Variants in PARD3B observed in about 807,000 individuals in gnomAD.
PARD3B encodes the protein partitioning defective 3 homolog B.
In PARD3B, 103 loss-of-function variants were observed where a neutral mutation model predicts 130.2. The ratio of observed to expected loss-of-function variants is 0.79; its 90% confidence interval spans 0.67 to 0.93. The LOEUF (loss-of-function observed/expected upper bound fraction) is 0.93, where lower values mean the gene tolerates loss of function less well. Ranked by LOEUF, PARD3B falls within the 40% of genes least tolerant of loss-of-function variation. PARD3B has a pLI of 0.00. For synonymous variants in PARD3B, 583 were observed against 553.2 expected, an observed-to-expected ratio of 1.05 and a Z score of -0.76; for missense variants, 1,609 against 1,499.2, an observed-to-expected ratio of 1.07 and a Z score of -1.21.
intron 21 of PARD3B, among the ~76,000 whole-genome samples, chr2:205,551,995 G>C (rs1352179632): frequency 6.6e-6 from 1 of 152,212 alleles, no homozygotes; most frequent in East Asian, 1.9e-4. Context: ...AGGTGAACAG[G>C]TGGGGAATCA....
At chr2:204,801,238 C>T (rs763276812) in intron 2 of PARD3B, among the ~76,000 whole-genome samples, 9 of 152,086 alleles carry the variant, frequency 5.9e-5, no homozygotes, top group Non-Finnish European at 1.2e-4. Flanking sequence ...TTAGTTTTTC[C>T]TATTCTGTGA....
intron 12 of PARD3B, among the ~76,000 whole-genome samples, chr2:205,175,305 CT>C (rs1183494712): frequency 6.6e-6 from 1 of 152,144 alleles, no homozygotes; most frequent in Non-Finnish European, 1.5e-5. Context: ...TAATTTAGGA[CT>C]AGCTTACCTC....
chr2:204,977,200 G>C (rs1298338931), intron 3 of PARD3B, among the ~76,000 whole-genome samples: 1 of 151,680 alleles, frequency 6.6e-6, no homozygotes, highest in Non-Finnish European at 1.5e-5. Flanking sequence ...ATTCATAGAA[G>C]GGTAATTGCT....
At chr2:204,654,424 TC>T (rs199995929) in intron 1 of PARD3B, among the ~76,000 whole-genome samples, 4,106 of 148,858 alleles carry the variant, frequency 0.028, 443 homozygotes, top group African/African-American at 0.1. Flanking sequence ...TTCTTGAGTA[TC>T]ATCACAGATA....
chr2:205,501,874 TA>T (rs988478305), intron 21 of PARD3B, among the ~76,000 whole-genome samples: 1 of 152,176 alleles, frequency 6.6e-6, no homozygotes, highest in Non-Finnish European at 1.5e-5. Context: ...AGTAAACGTG[TA>T]ACCAGACCAT....
At chr2:204,797,629 A>G (rs115578624) in intron 2 of PARD3B, among the ~76,000 whole-genome samples, 1,962 of 152,360 alleles carry the variant, frequency 0.013, 34 homozygotes, top group African/African-American at 0.045. Context: ...ATAAACAGAT[A>G]CCACTATTTT....
intron 1 of PARD3B, among the ~76,000 whole-genome samples, chr2:204,680,101 C>G (rs916014936): frequency 1.3e-5 from 2 of 151,840 alleles, no homozygotes; most frequent in African/African-American, 4.8e-5. Flanking sequence ...GAATTTTTCT[C>G]TTTTTCTAGT....
chr2:205,360,584 G>A (rs1057335986), intron 18 of PARD3B, among the ~76,000 whole-genome samples: 2 of 152,188 alleles, frequency 1.3e-5, no homozygotes, highest in East Asian at 3.9e-4. Flanking sequence ...TTAATACAGT[G>A]AGGAAATTTT....
At chr2:204,886,818 A>G (rs1196301136) in intron 2 of PARD3B, among the ~76,000 whole-genome samples, 1 of 152,226 alleles carries the variant, frequency 6.6e-6, no homozygotes, top group African/African-American at 2.4e-5. Flanking sequence ...TCTGGAGATG[A>G]GGACACTTAA....
intron 4 of PARD3B, among the ~76,000 whole-genome samples, chr2:205,067,935 A>G (rs1700490982): frequency 6.6e-6 from 1 of 152,190 alleles, no homozygotes; most frequent in Non-Finnish European, 1.5e-5. Context: ...TTGTGACATT[A>G]TCATCCACAT....
intron 2 of PARD3B, among the ~76,000 whole-genome samples, chr2:204,716,310 A>G (rs905425646): frequency 7.2e-5 from 11 of 152,060 alleles, no homozygotes; most frequent in Middle Eastern, 3.2e-3. Flanking sequence ...AGAAATGAAG[A>G]GTCTTGGGCC....
At chr2:204,991,893 T>C (rs941124490) in intron 3 of PARD3B, among the ~76,000 whole-genome samples, 20 of 150,428 alleles carry the variant, frequency 1.3e-4, no homozygotes, top group African/African-American at 4.8e-4. Flanking sequence ...ACGTGTCTGT[T>C]CATGTCCTTC....
intron 4 of PARD3B, among the ~76,000 whole-genome samples, chr2:205,055,065 G>C (rs931199477): frequency 1.3e-5 from 2 of 152,052 alleles, no homozygotes; most frequent in Admixed American, 6.6e-5. Flanking sequence ...CAGTGTATTC[G>C]TTTTTGTATT....
At chr2:204,608,562 G>A (rs2033813376) in intron 1 of PARD3B, among the ~76,000 whole-genome samples, 1 of 152,202 alleles carries the variant, frequency 6.6e-6, no homozygotes, top group Non-Finnish European at 1.5e-5. Context: ...AGGGTGTGAT[G>A]TGTCCTGAAA....
chr2:205,021,650 C>CTCTA lies in PARD3B; in HGVS notation c.395-25930_395-25929insCTAT, dbSNP rs1553598773. 2.0e-5 allele frequency among the ~76,000 whole-genome samples: 2 copies of CTCTA among 98,234 alleles called. No individual in the cohort carries two copies. The highest frequency in any genetic ancestry group is 6.4e-5 in the African/African-American group (2 of 31,058). 64.4% of individuals were successfully genotyped at this position (98,234 alleles called of 152,430 possible). A position where few individuals can be genotyped will look rare whatever the true frequency, so the allele number is the denominator to read the frequency against. The stretch of plus-strand genomic sequence containing the variant: ...TCTCTTTCTCTCTCTCTCTCTCTCT[C>CTCTA]TATATATATATATATAGTTAATCTT... On this transcript the variant is annotated intron_variant, in intron 3 of 22. Transcript: ENST00000406610. The surrounding 1 kb of genome is among the most constrained non-coding windows in gnomAD (Gnocchi z 4.5).
intron 2 of PARD3B, among the ~76,000 whole-genome samples, chr2:204,929,209 G>A (rs1687847284): frequency 1.3e-5 from 2 of 151,960 alleles, no homozygotes; most frequent in African/African-American, 2.4e-5. Flanking sequence ...TTAATAAAAG[G>A]TCACTATGTA....
intron 2 of PARD3B, among the ~76,000 whole-genome samples, chr2:204,860,655 G>A (rs1178528757): frequency 6.6e-6 from 1 of 152,160 alleles, no homozygotes; most frequent in African/African-American, 2.4e-5. Flanking sequence ...TCCTAAGTGT[G>A]CTCCCTCTGG....
intron 21 of PARD3B, among the ~76,000 whole-genome samples, chr2:205,521,860 C>G (rs2051074732): frequency 6.6e-6 from 1 of 151,990 alleles, no homozygotes; most frequent in Non-Finnish European, 1.5e-5. Flanking sequence ...GTAACAATGT[C>G]TATAATGTAG....
rs953417970 is a variant in PARD3B at position 205,446,956 on chromosome 2, C to T, written c.3044+6284C>T. Among the ~76,000 whole-genome samples, 3 of 152,094 alleles carry T rather than the reference C, an allele frequency of 2.0e-5. No individual in the cohort carries two copies. The highest frequency in any genetic ancestry group is 7.2e-5 in the African/African-American group (3 of 41,416). On this transcript the variant is annotated intron_variant, in intron 20 of 22. Transcript: ENST00000406610. The surrounding 1 kb of genome is among the most constrained non-coding windows in gnomAD (Gnocchi z 4.4). ...GGCACACAGCACAAATGCAGTTTTG[C>T]ATTAGTTTGTGTGACAATTTGACAT...
Sources: gnomAD v4.1 joint callset for allele counts (sites outside exome capture counted in the v4.1 genomes callset) on GRCh38, gnomAD v4.1.1 for gene constraint, Gnocchi (gnomAD v3.1) non-coding constraint, MANE v1.5 for transcripts, NCBI Gene and HGNC (gene_info 2026-07-23, HGNC 2026-07-21) for gene names.